The following LDAF1 variants were observed in gnomAD, a reference collection of about 807,000 sequenced individuals.
The protein encoded by LDAF1 is lipid droplet assembly factor 1.
Under a neutral mutation model 13.5 loss-of-function variants are expected in LDAF1, and 7 were observed. That is an observed-to-expected ratio of 0.52 (90% CI 0.29 to 0.97). The LOEUF is 0.97. Ranked by LOEUF, LDAF1 falls within the 50% of genes least tolerant of loss-of-function variation. The pLI is 0.07. For missense variants in LDAF1, 148 were observed against 193.2 expected, an observed-to-expected ratio of 0.77 and a Z score of 1.39; for synonymous variants, 69 against 77.1, an observed-to-expected ratio of 0.89 and a Z score of 0.55.
intron 2 of LDAF1, among the ~76,000 whole-genome samples, chr16:21,166,095 T>C (rs1400607926): frequency 6.6e-6 from 1 of 152,032 alleles, no homozygotes; most frequent in African/African-American, 2.4e-5. Context: ...CTCCAGATCT[T>C]AAGTAATCTG....
chr16:21,170,723 C>G, intron 3 of LDAF1, 118 bp downstream of exon 3: 1 of 1,223,946 alleles, frequency 8.2e-7, no homozygotes, highest in South Asian at 1.4e-5. Flanking sequence ...CCAGGCTGGT[C>G]TCAAACTCCT....
At chr16:21,162,753 C>T (rs935206395) in intron 2 of LDAF1, among the ~76,000 whole-genome samples, 3 of 152,294 alleles carry the variant, frequency 2.0e-5, no homozygotes, top group African/African-American at 7.2e-5. Flanking sequence ...CGCCAGCTGG[C>T]GGGGACTCTT....
intron 2 of LDAF1, chr16:21,166,890 GCTGGGCAGTGC>G: frequency 6.5e-7 from 1 of 1,535,712 alleles, no homozygotes; most frequent in Non-Finnish European, 8.7e-7. Flanking sequence ...GAGTGTCCAG[GCTGGGCAGTGC>G]TGGCTCCAAG....
chr16:21,161,092 C>T lies in LDAF1; in HGVS notation c.-91C>T. Reference sequence around the variant, plus strand: ...TGTTTCCTCTGGTAACAGCAAGAGACAGAGCGACATGAGAGATTGGACCGC... The same window carrying T: ...TGTTTCCTCTGGTAACAGCAAGAGATAGAGCGACATGAGAGATTGGACCGC... On this transcript the variant is annotated 5_prime_UTR_variant, in exon 2 of 5. Transcript: ENST00000233047. The T allele has an allele frequency of 6.4e-7, 1 of 1,555,086 alleles. No individual in the cohort carries two copies.
At chr16:21,160,402 C>T (rs1041687259) in intron 1 of LDAF1, among the ~76,000 whole-genome samples, 2 of 152,136 alleles carry the variant, frequency 1.3e-5, no homozygotes, top group African/African-American at 2.4e-5. Context: ...AGTATAATTA[C>T]TGTGGTGAGG....
At chr16:21,177,349 G>A (rs2093148038) in intron 4 of LDAF1, 1 of 149,302 alleles carries the variant, frequency 6.7e-6, no homozygotes, top group Non-Finnish European at 1.5e-5. Flanking sequence ...TTTCTTAAAG[G>A]TTAGCTGAAA....
At chr16:21,165,627 C>T in intron 2 of LDAF1, 1 of 979,250 alleles carries the variant, frequency 1.0e-6, no homozygotes. Flanking sequence ...TGATTTCCTG[C>T]AAATCTTTCT....
intron 4 of LDAF1, chr16:21,177,006 T>C (rs1202761124): frequency 6.6e-6 from 1 of 152,176 alleles, no homozygotes; most frequent in Non-Finnish European, 1.5e-5. Flanking sequence ...ATAGCATAAA[T>C]TTTAAAAATA....
chr16:21,170,398 T>C (rs760286514), intron 2 of LDAF1, 39 bp from the exon 3 acceptor site: 27 of 1,611,044 alleles, frequency 1.7e-5, no homozygotes, highest in Non-Finnish European at 2.2e-5. Context: ...GGGGTTCCGA[T>C]GTGTTACTTA....
chr16:21,161,002 C>A, intron 1 of LDAF1, 83 bp from the exon 2 acceptor site: 1 of 1,355,868 alleles, frequency 7.4e-7, no homozygotes, highest in Non-Finnish European at 9.5e-7. Flanking sequence ...GCATGCCCAC[C>A]ATCAAGGTAT....
intron 1 of LDAF1, chr16:21,159,990 G>C (rs780016067): frequency 1.5e-4 from 143 of 984,818 alleles, no homozygotes; most frequent in Non-Finnish European, 1.7e-4. Context: ...CCCTCCAAAG[G>C]GTTTCTTGTT....
chr16:21,177,210 A>G (rs1387779015), intron 4 of LDAF1: 1 of 152,106 alleles, frequency 6.6e-6, no homozygotes, highest in Non-Finnish European at 1.5e-5. Context: ...CTGTTGTGCT[A>G]TGTTGTCCTG....
At chr16:21,178,738 A>G (rs1480899089) in intron 4 of LDAF1, 2 of 152,256 alleles carry the variant, frequency 1.3e-5, no homozygotes, top group Non-Finnish European at 1.5e-5. Context: ...ATACTTCAAA[A>G]GACTTCATTG....
intron 4 of LDAF1, 50 bp from the exon 5 acceptor site, chr16:21,179,425 G>T (rs1195674642): frequency 2.5e-6 from 4 of 1,613,462 alleles, no homozygotes; most frequent in Non-Finnish European, 3.4e-6. Flanking sequence ...TTCCAACGTT[G>T]CTCTTTACTG....
chr16:21,175,346 G>A (rs1016637078), intron 4 of LDAF1, among the ~76,000 whole-genome samples: 5 of 152,166 alleles, frequency 3.3e-5, no homozygotes, highest in African/African-American at 1.2e-4. Context: ...AGTCCCTTAA[G>A]CTGAGAGTAG....
At chr16:21,161,636 T>C (rs1179307938) in intron 2 of LDAF1, among the ~76,000 whole-genome samples, 2 of 152,246 alleles carry the variant, frequency 1.3e-5, no homozygotes, top group African/African-American at 4.8e-5. Context: ...ATTCTTTAGC[T>C]GGATAAAGAA....
intron 2 of LDAF1, among the ~76,000 whole-genome samples, chr16:21,161,938 A>G (rs775566326): frequency 6.6e-6 from 1 of 152,134 alleles, no homozygotes; most frequent in African/African-American, 2.4e-5. Flanking sequence ...TGGGTGGATC[A>G]CTTGAGATCA....
At chr16:21,171,289 C>T (rs2093086114) in intron 3 of LDAF1, among the ~76,000 whole-genome samples, 1 of 152,198 alleles carries the variant, frequency 6.6e-6, no homozygotes, top group African/African-American at 2.4e-5. Context: ...TCAGATCACA[C>T]ACCCCAGGCA....
At chr16:21,172,650 A>G (rs1437655809) in intron 3 of LDAF1, 2 of 155,396 alleles carry the variant, frequency 1.3e-5, no homozygotes, top group African/African-American at 4.8e-5. Context: ...AAAGAGAAAG[A>G]AAATGCAGAC....
Sources: gnomAD v4.1 joint callset for allele counts (sites outside exome capture counted in the v4.1 genomes callset) on GRCh38, gnomAD v4.1.1 for gene constraint, MANE v1.5 for transcripts, NCBI Gene and HGNC (gene_info 2026-07-23, HGNC 2026-07-21) for gene names.